Variants in PCDHA6 observed in about 807,000 individuals in gnomAD.
PCDHA6 encodes protocadherin alpha 6.
A neutral mutation model predicts 60.3 loss-of-function variants in PCDHA6; 55 were observed. That is an observed-to-expected ratio of 0.91 (90% CI 0.73 to 1.14). The LOEUF is 1.14. Among genes scored for constraint, PCDHA6 ranks in the 50% most tolerant of loss-of-function variants. The pLI is 0.00. For missense variants in PCDHA6, 1,327 were observed against 1,256.5 expected (o/e 1.06, Z -0.85); for synonymous variants, 652 against 557.9 (o/e 1.17, Z -2.38).
intron 1 of PCDHA6, chr5:140,926,544 C>G (rs9765406): frequency 0.16 from 35,740 of 221,378 alleles, 3,305 homozygotes; most frequent in African/African-American, 0.26. Context: ...GCGTGGTGGT[C>G]GAGACCCCAG....
intron 1 of PCDHA6, chr5:140,870,427 G>T: frequency 1.9e-6 from 3 of 1,614,220 alleles, no homozygotes; most frequent in Non-Finnish European, 2.5e-6. Context: ...CAGGGTATCC[G>T]TGGAGGTGGC....
intron 1 of PCDHA6, chr5:140,928,909 C>T (rs1364728842): frequency 1.6e-5 from 26 of 1,614,034 alleles, no homozygotes; most frequent in Non-Finnish European, 2.1e-5. Flanking sequence ...TGTCTGGGAA[C>T]CAGGAGGGCA....
chr5:140,901,307 T>A (rs544600785), intron 1 of PCDHA6, among the ~76,000 whole-genome samples: 1 of 152,264 alleles, frequency 6.6e-6, no homozygotes, highest in East Asian at 1.9e-4. Context: ...TTCCGGAGAG[T>A]TTCCCCAATG....
chr5:140,871,570 T>A, intron 1 of PCDHA6: 1 of 1,480,760 alleles, frequency 6.8e-7, no homozygotes, highest in Non-Finnish European at 9.0e-7. Context: ...TTCACGGATT[T>A]TTTAAGGGAA....
intron 1 of PCDHA6, among the ~76,000 whole-genome samples, chr5:140,953,756 G>C (rs2094932328): frequency 6.6e-6 from 1 of 152,208 alleles, no homozygotes; most frequent in South Asian, 2.1e-4. Context: ...ATTTATCCAA[G>C]AATTAAATTT....
chr5:140,850,291 C>G (rs2150477990), intron 1 of PCDHA6: 2 of 1,595,974 alleles, frequency 1.3e-6, no homozygotes, highest in South Asian at 2.2e-5. Flanking sequence ...GCAGTGGACG[C>G]CGACTCGGGC....
Position 140,877,923 on chromosome 5 carries a change from T to C in PCDHA6, c.2394+47438T>C, listed in dbSNP as rs1252401405. ...ATAACTACATTCTCTCATTTTTCTTTATGATTCTATCCTTTAAACTATCGA... is the reference window on the plus strand; with the variant it reads ...ATAACTACATTCTCTCATTTTTCTTCATGATTCTATCCTTTAAACTATCGA... On this transcript the variant is annotated intron_variant, in intron 1 of 3. Coordinates refer to ENST00000529310, the MANE Select transcript of PCDHA6 (RefSeq NM_018909.4). 5 of 1,421,040 alleles carry C rather than the reference T, an allele frequency of 3.5e-6. No individual in the cohort carries two copies. The African/African-American group carries it at 5.8e-5, about 16-fold the overall frequency. The allele number at this position is 1,421,040 out of a possible 1,614,324, so 88.0% of individuals were successfully genotyped here. A position where few individuals can be genotyped will look rare whatever the true frequency, so the allele number is the denominator to read the frequency against.
At chr5:140,967,939 C>T in intron 1 of PCDHA6, 1 of 1,614,188 alleles carries the variant, frequency 6.2e-7, no homozygotes, top group Non-Finnish European at 8.5e-7. Context: ...GTGTCAATGA[C>T]CAAGACTCAG....
intron 1 of PCDHA6, among the ~76,000 whole-genome samples, chr5:140,977,969 C>T (rs1554238945): frequency 6.6e-6 from 1 of 152,114 alleles, no homozygotes; most frequent in African/African-American, 2.4e-5. Context: ...AATCTCCGCC[C>T]ATGAAAACGC....
chr5:140,871,343 G>A (rs782701070), intron 1 of PCDHA6: 3 of 1,614,194 alleles, frequency 1.9e-6, no homozygotes, highest in East Asian at 2.2e-5. Context: ...GTGGGGAGCT[G>A]GTCATACTCG....
Position 140,830,327 on chromosome 5 carries a change from G to C in PCDHA6, c.2236G>C (p.Gly746Arg), listed in dbSNP as rs2150185000. 1 of 1,614,032 alleles carries C rather than the reference G, an allele frequency of 6.2e-7. No individual in the cohort carries two copies. The highest frequency in any genetic ancestry group is 8.5e-7 in the Non-Finnish European group (1 of 1,179,942). ...KPTLVCSSAV[G>R]SWSYSQQRRQ... ...CACGCTGGTGTGCTCCAGCGCAGTGGGGAGCTGGTCGTACTCGCAGCAGAG... is the reference window on the plus strand; with the variant it reads ...CACGCTGGTGTGCTCCAGCGCAGTGCGGAGCTGGTCGTACTCGCAGCAGAG... Residue 746 changes from glycine (G) to arginine (R), a missense_variant, in exon 1 of 4, where the codon GGG (glycine) becomes CGG (arginine). By Grantham distance (125) the Gly-to-Arg change is moderately radical. Transcript: ENST00000529310.
intron 1 of PCDHA6, chr5:140,862,842 G>C: frequency 1.7e-6 from 1 of 572,982 alleles, no homozygotes; most frequent in Non-Finnish European, 3.3e-6. Flanking sequence ...CGGGCATGCC[G>C]CCTCTGAGCA....
At chr5:140,883,922 C>T in intron 1 of PCDHA6, 1 of 1,613,240 alleles carries the variant, frequency 6.2e-7, no homozygotes, top group Non-Finnish European at 8.5e-7. Context: ...CGTGACGCTG[C>T]AGGTGTTCGT....
chr5:140,905,632 G>A lies in PCDHA6; in HGVS notation c.2395-73317G>A, dbSNP rs146826869. 9.9e-4 allele frequency among the ~76,000 whole-genome samples: 150 copies of A among 152,224 alleles called. 1 individual carries two copies. Among genetic ancestry groups the A allele is most frequent in the African/African-American group, 3.4e-3 (141 of 41,546 alleles). ...TCTATAGATTGCTTTTGACAGTATG[G>A]TCAGTTTCACAGTATTGATTCCTGT... On this transcript the variant is annotated intron_variant, in intron 1 of 3. Transcript: ENST00000529310.
chr5:140,938,124 A>G (rs2091929948), intron 1 of PCDHA6, among the ~76,000 whole-genome samples: 1 of 152,076 alleles, frequency 6.6e-6, no homozygotes, highest in South Asian at 2.1e-4. Flanking sequence ...TTTTTTTAAA[A>G]AAATAGAGAT....
chr5:140,981,691 T>C (rs1370541525), intron 2 of PCDHA6, among the ~76,000 whole-genome samples: 1 of 150,826 alleles, frequency 6.6e-6, no homozygotes, highest in East Asian at 2.1e-4. Flanking sequence ...CCTTCCATCA[T>C]TCATTCATTC....
chr5:140,874,141 T>C (rs1554167053), intron 1 of PCDHA6, among the ~76,000 whole-genome samples: 1 of 152,248 alleles, frequency 6.6e-6, no homozygotes, highest in South Asian at 2.1e-4. Context: ...TATCTTATAC[T>C]TGTAGAGCCA....
At position 140,849,851 on chromosome 5, in the gene PCDHA6, A is replaced by T. The variant is rs148732691; in HGVS notation, c.2394+19366A>T. On this transcript the variant is annotated intron_variant, in intron 1 of 3. Coordinates refer to ENST00000529310, the MANE Select transcript of PCDHA6 (RefSeq NM_018909.4). Reference sequence around the variant, plus strand: ...AGGTGGCCGACGTGAACGACAACGCACCAGCGTTCGCGCAGTCCGAGTACA... The same window carrying T: ...AGGTGGCCGACGTGAACGACAACGCTCCAGCGTTCGCGCAGTCCGAGTACA... The T allele has an allele frequency of 4.9e-4, 784 of 1,598,368 alleles. 43 individuals are homozygous for T. The African/African-American group carries it at 9.3e-3, about 19-fold the overall frequency.
chr5:140,908,967 G>A (rs1039870615), intron 1 of PCDHA6, among the ~76,000 whole-genome samples: 10 of 152,076 alleles, frequency 6.6e-5, no homozygotes, highest in African/African-American at 2.4e-4. Context: ...ATCTTGATAG[G>A]CCCCACTCCA....
Sources: allele counts gnomAD v4.1 joint callset (sites outside exome capture counted in the v4.1 genomes callset), GRCh38; gene constraint gnomAD v4.1.1; transcripts MANE v1.5; gene names NCBI Gene and HGNC (gene_info 2026-07-23, HGNC 2026-07-21).